F9: variants seen among roughly 807,000 people sequenced by gnomAD.
F9 encodes coagulation factor IX.
F9 carries 2 observed loss-of-function variants against 34.1 expected under a neutral mutation model. The ratio of observed to expected loss-of-function variants is 0.06; its 90% confidence interval spans 0.02 to 0.18. The LOEUF (loss-of-function observed/expected upper bound fraction) is 0.18. Ranked by LOEUF, F9 falls within the 10% of genes least tolerant of loss-of-function variation. F9 has a pLI of 1.00. For missense variants in F9, 216 were observed against 345.1 expected, an observed-to-expected ratio of 0.63 and a Z score of 2.96; for synonymous variants, 137 against 118.8, an observed-to-expected ratio of 1.15 and a Z score of -1.00.
rs910885181 is a variant in F9 at position 139,551,410 on chromosome X, C to T, written c.723+146C>T. The T allele has an allele frequency of 8.4e-5, 45 of 538,438 alleles. No homozygotes were observed. In the East Asian group the frequency reaches 1.6e-3, roughly 19 times the overall value. The allele number at this position is 538,438 out of a possible 1,213,427, so 44.4% of individuals were successfully genotyped here. ...TTCAGCACTAACCAATGTGAGAAGG[C>T]CTCCAGAGATGAGCAGTTGGTGAAA... On this transcript the variant is annotated intron_variant, in intron 6 of 7. Coordinates refer to ENST00000218099, the MANE Select transcript of F9 (RefSeq NM_000133.4).
intron 6 of F9, among the ~76,000 whole-genome samples, chrX:139,557,576 C>T (rs1195421611): frequency 1.8e-5 from 2 of 112,200 alleles, no homozygotes; most frequent in African/African-American, 6.5e-5. Flanking sequence ...AACTAGCCTA[C>T]TGAGCTGAGA....
intron 6 of F9, among the ~76,000 whole-genome samples, chrX:139,555,084 A>AT (rs1927935796): frequency 8.9e-6 from 1 of 112,486 alleles, no homozygotes. Context: ...CTCCATTAAG[A>AT]AAGCCCTTTC....
intron 1 of F9, among the ~76,000 whole-genome samples, chrX:139,531,340 G>T (rs4149659): frequency 0.017 from 1,945 of 111,976 alleles, 17 homozygotes; most frequent in Non-Finnish European, 0.027. Flanking sequence ...GTAATGAGGT[G>T]TGTCTCTAAT....
At chrX:139,557,226 C>A (rs918514867) in intron 6 of F9, among the ~76,000 whole-genome samples, 4 of 111,948 alleles carry the variant, frequency 3.6e-5, no homozygotes, top group Non-Finnish European at 7.5e-5. Context: ...TATTCCCCAA[C>A]ATGATGTCTT....
intron 6 of F9, 149 bp from the exon 7 acceptor site, chrX:139,560,592 C>T: frequency 2.1e-6 from 1 of 474,824 alleles, no homozygotes; most frequent in African/African-American, 2.4e-5. Flanking sequence ...AACACTAATT[C>T]ATCTGCAAAG....
At chrX:139,546,888 T>C (rs1358553649) in intron 4 of F9, among the ~76,000 whole-genome samples, 1 of 112,044 alleles carries the variant, frequency 8.9e-6, no homozygotes, top group Non-Finnish European at 1.9e-5. Flanking sequence ...TGTTTACTAA[T>C]GGATTCAATG....
In F9 at chrX:139,560,809, T is replaced by G. The variant is rs1384943012; in HGVS notation, c.792T>G (p.Thr264=). ...GSIVNEKWIV[T]AAHCVETGVK... The stretch of plus-strand genomic sequence containing the variant: ...TCGTTAATGAAAAATGGATTGTAAC[T>G]GCTGCCCACTGTGTTGAAACTGGTG... The change falls in exon 7 of 8, where the codon ACT becomes ACG. Residue 264 remains threonine (T), a synonymous_variant. Transcript: ENST00000218099. 8.3e-7 allele frequency: 1 copy of G among 1,208,256 alleles called. No homozygotes were observed. The highest frequency in any genetic ancestry group is 1.1e-6 in the Non-Finnish European group (1 of 893,568).
At position 139,563,340 on chromosome X, in the gene F9, T is replaced by C. The variant is rs761705774; in HGVS notation, c.*1269T>C. ...ACTAAGTTGTCCTTTTCTGGTTTCG[T>C]GTTCACCATGGAACATTTTGATTAT... is the stretch of plus-strand genomic sequence containing the variant. On this transcript the variant is annotated 3_prime_UTR_variant, in exon 8 of 8. Transcript: ENST00000218099. 1 of 111,826 alleles carries C rather than the reference T, an allele frequency of 8.9e-6. No individual in the cohort carries two copies. Among genetic ancestry groups the C allele is most frequent in the Non-Finnish European group, 1.9e-5 (1 of 53,209 alleles). The allele number at this position is 111,826 out of a possible 1,213,427, so 9.2% of individuals were successfully genotyped here.
intron 3 of F9, among the ~76,000 whole-genome samples, chrX:139,538,001 A>T (rs1927523614): frequency 9.0e-6 from 1 of 111,332 alleles, no homozygotes; most frequent in African/African-American, 3.3e-5. Flanking sequence ...TACCATCTTA[A>T]TGAGGCCTAC....
At chrX:139,538,636 C>A (rs1284731469) in intron 3 of F9, among the ~76,000 whole-genome samples, 2 of 111,487 alleles carry the variant, frequency 1.8e-5, no homozygotes, top group African/African-American at 6.5e-5. Flanking sequence ...CGAATACTAC[C>A]ATACCAGCTT....
At chrX:139,536,155 ATG>A (rs1177658846) in intron 1 of F9, among the ~76,000 whole-genome samples, 238 of 106,086 alleles carry the variant, frequency 2.2e-3, no homozygotes, top group African/African-American at 6.6e-3. Flanking sequence ...TATGATATAT[ATG>A]TGTGTGTATA....
In F9 at chrX:139,551,142, T is replaced by A; in HGVS notation, c.601T>A (p.Tyr201Asn). 1 of 1,211,065 alleles carries A rather than the reference T, an allele frequency of 8.3e-7. No individual in the cohort carries two copies. Among genetic ancestry groups the A allele is most frequent in the Non-Finnish European group, 1.1e-6 (1 of 894,630 alleles). ...RAETVFPDVD[Y>N]VNSTEAETIL... ...TGAGACTGTTTTTCCTGATGTGGACTATGTAAATTCTACTGAAGCTGAAAC... is the reference window on the plus strand; with the variant it reads ...TGAGACTGTTTTTCCTGATGTGGACAATGTAAATTCTACTGAAGCTGAAAC... The change falls in exon 6 of 8, where the codon TAT (tyrosine) becomes AAT (asparagine). Residue 201 changes from tyrosine (Y) to asparagine (N), a missense_variant. Physicochemically the swap from Tyr to Asn is moderately radical, Grantham distance 143 (BLOSUM62 -2). This residue lies in a region of F9 where 177 missense variants were observed against 311.8 expected (regional missense o/e 0.57). Coordinates refer to ENST00000218099, the MANE Select transcript of F9 (RefSeq NM_000133.4).
In F9 at chrX:139,562,087, C is replaced by A. The variant is rs946519303; in HGVS notation, c.*16C>A. The A allele has an allele frequency of 8.4e-7, 1 of 1,195,307 alleles. No individual in the cohort carries two copies. The highest frequency in any genetic ancestry group is 3.0e-5 in the East Asian group (1 of 33,787). On this transcript the variant is annotated 3_prime_UTR_variant, in exon 8 of 8. Transcript: ENST00000218099. ...GCTCACTTAATGAAAGATGGATTTC[C>A]AAGGTTAATTCATTGGAATTGAAAA...
Position 139,541,103 on chromosome X carries a change from G to A in F9, c.305G>A (p.Cys102Tyr). The change falls in exon 4 of 8, where the codon TGT (cysteine) becomes TAT (tyrosine). Residue 102 changes from cysteine to tyrosine, a missense_variant. Around this residue, in one of 2 missense-constraint regions of F9, gnomAD observed 177 missense variants for 311.8 expected, o/e 0.57. Coordinates refer to ENST00000218099, the MANE Select transcript of F9 (RefSeq NM_000133.4). ...GGAGATCAGTGTGAGTCCAATCCAT[G>A]TTTAAATGGCGGCAGTTGCAAGGAT... Reference protein sequence around the residue: ...VDGDQCESNPCLNGGSCKDDI... With the variant: ...VDGDQCESNPYLNGGSCKDDI... The A allele has an allele frequency of 8.3e-7, 1 of 1,199,390 alleles. No homozygotes were observed. Among genetic ancestry groups the A allele is most frequent in the Non-Finnish European group, 1.1e-6 (1 of 886,869 alleles).
intron 6 of F9, among the ~76,000 whole-genome samples, chrX:139,551,701 T>C (rs1665779347): frequency 1.8e-5 from 2 of 110,553 alleles, no homozygotes; most frequent in Non-Finnish European, 3.8e-5. Flanking sequence ...AAGAACTAGG[T>C]TCCAAGAAAC....
chrX:139,540,606 C>T (rs1927580750), intron 3 of F9, among the ~76,000 whole-genome samples: 1 of 111,616 alleles, frequency 9.0e-6, no homozygotes, highest in African/African-American at 3.3e-5. Flanking sequence ...GCCGTCAGTT[C>T]CTAAAGTGGA....
At chrX:139,537,569 G>A (rs779565118) in intron 3 of F9, among the ~76,000 whole-genome samples, 183 bp downstream of exon 3, 4 of 111,305 alleles carry the variant, frequency 3.6e-5, no homozygotes, top group African/African-American at 6.5e-5. Context: ...GGGAACTATC[G>A]CTGGTAAATA....
intron 4 of F9, among the ~76,000 whole-genome samples, chrX:139,545,715 AT>A (rs1412140548): frequency 9.0e-6 from 1 of 110,765 alleles, no homozygotes; most frequent in African/African-American, 3.3e-5. Context: ...AAGACAAGAG[AT>A]TTTTTTTATT....
chrX:139,558,929 A>G (rs979205906), intron 6 of F9, among the ~76,000 whole-genome samples: 1 of 112,038 alleles, frequency 8.9e-6, no homozygotes, highest in African/African-American at 3.2e-5. Context: ...CCTGGACCGA[A>G]TTTGGGTGCT....
Sources: gnomAD v4.1 joint callset for allele counts (sites outside exome capture counted in the v4.1 genomes callset) on GRCh38, gnomAD v4.1.1 for gene constraint, gnomAD v4.1.1 regional missense constraint, MANE v1.5 for transcripts, NCBI Gene and HGNC (gene_info 2026-07-23, HGNC 2026-07-21) for gene names.